Variants in NKAIN3 observed in about 807,000 individuals in gnomAD.
The protein encoded by NKAIN3 is sodium/potassium transporting ATPase interacting 3, also known as sodium/potassium-transporting ATPase subunit beta-1-interacting protein 3.
A neutral mutation model predicts 30.2 loss-of-function variants in NKAIN3; 25 were observed. The observed-to-expected ratio is 0.83, with a 90% CI of 0.60 to 1.16. The LOEUF (loss-of-function observed/expected upper bound fraction) is 1.16, where lower values mean the gene tolerates loss of function less well. Among genes scored for constraint, NKAIN3 ranks in the 50% most tolerant of loss-of-function variants. The pLI, the probability that NKAIN3 is intolerant of heterozygous loss-of-function variation, is 0.00. For synonymous variants in NKAIN3, 91 were observed against 89.6 expected (o/e 1.02, Z -0.09); for missense variants, 225 against 254.1 (o/e 0.89, Z 0.78).
intron 3 of NKAIN3, among the ~76,000 whole-genome samples, chr8:62,666,001 G>A (rs1813086930): frequency 6.6e-6 from 1 of 152,066 alleles, no homozygotes; most frequent in Non-Finnish European, 1.5e-5. Context: ...GGATCATGAG[G>A]TCAGGAGTTC....
intron 1 of NKAIN3, among the ~76,000 whole-genome samples, chr8:62,352,905 A>G (rs866592633): frequency 6.6e-5 from 10 of 152,202 alleles, no homozygotes; most frequent in African/African-American, 2.4e-4. Flanking sequence ...GAGTGAATGA[A>G]TTAATGATAT....
At chr8:62,742,435 G>A (rs1385986517) in intron 3 of NKAIN3, among the ~76,000 whole-genome samples, 2 of 152,098 alleles carry the variant, frequency 1.3e-5, no homozygotes, top group African/African-American at 4.8e-5. Context: ...TAGGCAAATA[G>A]GAAAAAGACA....
intron 4 of NKAIN3, chr8:62,864,059 GC>G: frequency 1.5e-6 from 1 of 688,934 alleles, no homozygotes; most frequent in South Asian, 1.6e-5. Context: ...GCCTGAATGG[GC>G]AACACTTTCC....
At position 62,948,113 on chromosome 8, in the gene NKAIN3, A is replaced by C. The variant is rs1823176882; in HGVS notation, c.533-5789A>C. Among the ~76,000 whole-genome samples, 2 of 151,944 alleles carry C rather than the reference A, an allele frequency of 1.3e-5. 1 individual carries two copies. The highest frequency in any genetic ancestry group is 4.2e-4 in the South Asian group (2 of 4,806). ...ACTAGTAAGTGTAGAGCTGGAATTC[A>C]AAACAAGATCTGCCTGATACATAAA... On this transcript the variant is annotated intron_variant, in intron 5 of 6. Transcript: ENST00000623646.
In NKAIN3 at chr8:62,874,633, T is replaced by C. The variant is rs192557769; in HGVS notation, c.472-43820T>C. On this transcript the variant is annotated intron_variant, in intron 4 of 6. Coordinates refer to ENST00000623646, the MANE Select transcript of NKAIN3 (RefSeq NM_001304533.3). ...CTTATCCACCACCATCAAGTTGGCT[T>C]CATCCCTGGGATGCAAGGCTGGTTC... 3.0e-3 allele frequency among the ~76,000 whole-genome samples: 462 copies of C among 152,344 alleles called. 1 individual carries two copies. The highest frequency in any genetic ancestry group is 4.8e-3 in the Non-Finnish European group (325 of 68,028).
chr8:62,745,327 C>G (rs575496258), intron 3 of NKAIN3, among the ~76,000 whole-genome samples: 1 of 152,208 alleles, frequency 6.6e-6, no homozygotes, highest in Non-Finnish European at 1.5e-5. Context: ...AAGTCACGTA[C>G]GGACCCTGCT....
At chr8:62,912,458 A>T (rs1451486247) in intron 4 of NKAIN3, among the ~76,000 whole-genome samples, 1 of 152,216 alleles carries the variant, frequency 6.6e-6, no homozygotes, top group Non-Finnish European at 1.5e-5. Flanking sequence ...TTTACTTTAT[A>T]AACCTTTTAA....
chr8:62,531,160 T>C (rs1000238184), intron 1 of NKAIN3, among the ~76,000 whole-genome samples: 1 of 152,224 alleles, frequency 6.6e-6, no homozygotes, highest in African/African-American at 2.4e-5. Flanking sequence ...CCATGTGTGC[T>C]GTCTCTGTGG....
intron 4 of NKAIN3, chr8:62,856,674 T>C (rs1265129100): frequency 3.3e-5 from 25 of 767,126 alleles, no homozygotes; most frequent in Non-Finnish European, 5.5e-5. Context: ...GAGTGAGTCA[T>C]CAGATCTGTG....
intron 1 of NKAIN3, among the ~76,000 whole-genome samples, chr8:62,496,152 A>T (rs1191757156): frequency 6.6e-6 from 1 of 152,188 alleles, no homozygotes; most frequent in Non-Finnish European, 1.5e-5. Context: ...ACAGTCTTTA[A>T]TAATGTGCTT....
At chr8:62,660,320 A>C (rs1812904893) in intron 3 of NKAIN3, among the ~76,000 whole-genome samples, 1 of 152,246 alleles carries the variant, frequency 6.6e-6, no homozygotes, top group East Asian at 1.9e-4. Flanking sequence ...TGAATGTAGA[A>C]TATCTGAAGG....
chr8:62,641,610 G>C (rs1178691876), intron 3 of NKAIN3, among the ~76,000 whole-genome samples: 1 of 152,070 alleles, frequency 6.6e-6, no homozygotes, highest in Non-Finnish European at 1.5e-5. Context: ...CAAAATTCCT[G>C]GACACAGAGA....
At chr8:62,868,656 CT>C (rs1265754454) in intron 4 of NKAIN3, among the ~76,000 whole-genome samples, 1 of 152,186 alleles carries the variant, frequency 6.6e-6, no homozygotes, top group Non-Finnish European at 1.5e-5. Flanking sequence ...TGAATGCTTA[CT>C]TTTGAACACC....
intron 4 of NKAIN3, among the ~76,000 whole-genome samples, chr8:62,861,700 A>C (rs1820244772): frequency 6.6e-6 from 1 of 152,240 alleles, no homozygotes. Context: ...TGATCAGTCA[A>C]AGATGTCATC....
intron 1 of NKAIN3, chr8:62,473,284 T>C (rs1806414057): frequency 6.6e-6 from 1 of 152,194 alleles, no homozygotes. Flanking sequence ...TGGTTAAAAG[T>C]CTATTGCTTG....
chr8:62,948,346 C>T (rs113097484), intron 5 of NKAIN3, among the ~76,000 whole-genome samples: 25,714 of 151,822 alleles, frequency 0.17, 2,630 homozygotes, highest in East Asian at 0.37. Context: ...ATTACAGGCA[C>T]GCGCCACCAC....
At chr8:62,930,494 T>C (rs1204632530) in intron 5 of NKAIN3, among the ~76,000 whole-genome samples, 1 of 152,034 alleles carries the variant, frequency 6.6e-6, no homozygotes, top group South Asian at 2.1e-4. Context: ...CCACAGGTGA[T>C]CCACCCGCCT....
chr8:62,813,097 A>G (rs1818544731), intron 4 of NKAIN3, among the ~76,000 whole-genome samples: 1 of 151,964 alleles, frequency 6.6e-6, no homozygotes, highest in South Asian at 2.1e-4. Flanking sequence ...TTTATTAAAA[A>G]GGGTGTGTCC....
intron 4 of NKAIN3, among the ~76,000 whole-genome samples, chr8:62,777,958 T>C (rs1817238670): frequency 6.6e-6 from 1 of 152,156 alleles, no homozygotes; most frequent in African/African-American, 2.4e-5. Context: ...TGAAGACTTG[T>C]AGAGGTAGCA....
Sources: gnomAD v4.1 joint callset for allele counts (sites outside exome capture counted in the v4.1 genomes callset) on GRCh38, gnomAD v4.1.1 for gene constraint, MANE v1.5 for transcripts, NCBI Gene and HGNC (gene_info 2026-07-23, HGNC 2026-07-21) for gene names.